Variants in BNC2 observed in about 807,000 individuals in gnomAD.
The protein encoded by BNC2 is basonuclin zinc finger protein 2.
Under a neutral mutation model 76.3 loss-of-function variants are expected in BNC2, and 20 were observed. That is an observed-to-expected ratio of 0.26 (90% CI 0.18 to 0.38). The LOEUF is 0.38. Ranked by LOEUF, BNC2 falls within the 10% of genes least tolerant of loss-of-function variation. The probability of loss-of-function intolerance (pLI) is 1.00; values close to 1 mark genes in which losing one functional copy is unlikely to be tolerated. For synonymous variants in BNC2, 582 were observed against 514.8 expected (o/e 1.13, Z -1.77); for missense variants, 1,382 against 1,399.8 (o/e 0.99, Z 0.20).
At chr9:16,510,628 G>A (rs1209704244) in intron 5 of BNC2, among the ~76,000 whole-genome samples, 1 of 152,182 alleles carries the variant, frequency 6.6e-6, no homozygotes, top group African/African-American at 2.4e-5. Flanking sequence ...GAAATCAACA[G>A]ATAAGCCTTT....
chr9:16,429,183 C>T (rs762378133), intron 6 of BNC2: 1 of 152,166 alleles, frequency 6.6e-6, no homozygotes, highest in African/African-American at 2.4e-5. Context: ...CATGGCTAAA[C>T]CTTCACTATG....
chr9:16,839,009 C>T (rs1281556783), intron 1 of BNC2, among the ~76,000 whole-genome samples: 1 of 152,226 alleles, frequency 6.6e-6, no homozygotes, highest in South Asian at 2.1e-4. Flanking sequence ...ACTAATTTCA[C>T]TAGTCAGTAG....
rs59888253 is a variant in BNC2, at chr9:16,732,162, A to AAAAAAAAAAAAGG, written c.130-4166_130-4165insCCTTTTTTTTTTT. Reference sequence around the variant, plus strand: ...GTTTTTCCCTCCATTTCCTGCAAAAAAAAAAGAAAAAGAAACAAAAAAGAA... The same window carrying AAAAAAAAAAAAGG: ...GTTTTTCCCTCCATTTCCTGCAAAAAAAAAAAAAAAAGGAAAAAGAAAAAGAAACAAAAAAGAA... On this transcript the variant is annotated intron_variant, in intron 2 of 6. Coordinates refer to ENST00000380672, the MANE Select transcript of BNC2 (RefSeq NM_017637.6). 8.3e-4 allele frequency among the ~76,000 whole-genome samples: 102 copies of AAAAAAAAAAAAGG among 123,592 alleles called. 2 individuals are homozygous for AAAAAAAAAAAAGG. The East Asian group carries it at 0.021, about 26-fold the overall frequency. The allele number at this position is 123,592 out of a possible 152,430, so 81.1% of individuals were successfully genotyped here.
At chr9:16,504,193 T>C (rs1822578532) in intron 5 of BNC2, among the ~76,000 whole-genome samples, 2 of 151,706 alleles carry the variant, frequency 1.3e-5, no homozygotes, top group South Asian at 2.1e-4. Context: ...AAAATGCTTA[T>C]AAAGATAAGT....
At chr9:16,594,159 A>G (rs1451279914) in intron 3 of BNC2, among the ~76,000 whole-genome samples, 1 of 152,178 alleles carries the variant, frequency 6.6e-6, no homozygotes, top group Non-Finnish European at 1.5e-5. Context: ...ACTATTCCTC[A>G]TTAAGCAAGA....
chr9:16,672,596 T>C (rs1012145469), intron 3 of BNC2, among the ~76,000 whole-genome samples: 4 of 152,216 alleles, frequency 2.6e-5, no homozygotes, highest in African/African-American at 9.6e-5. Context: ...TTTTATCGTA[T>C]CACACTCATA....
chr9:16,736,650 A>G (rs1166603351), intron 2 of BNC2, among the ~76,000 whole-genome samples: 2 of 150,644 alleles, frequency 1.3e-5, no homozygotes, highest in Non-Finnish European at 3.0e-5. Flanking sequence ...TAATTTTTTT[A>G]TTTTTAGTAG....
chr9:16,579,919 A>C (rs529633137), intron 4 of BNC2: 24 of 394,348 alleles, frequency 6.1e-5, no homozygotes, highest in Non-Finnish European at 1.1e-4. Flanking sequence ...TTTTTTATTG[A>C]CATAATGACA....
At chr9:16,638,101 C>G (rs1821381024) in intron 3 of BNC2, among the ~76,000 whole-genome samples, 1 of 152,162 alleles carries the variant, frequency 6.6e-6, no homozygotes, top group Non-Finnish European at 1.5e-5. Flanking sequence ...CTGGGAACTT[C>G]TTTGGTCTGG....
chr9:16,465,288 T>C (rs986704954), intron 5 of BNC2, among the ~76,000 whole-genome samples: 5 of 151,938 alleles, frequency 3.3e-5, no homozygotes, highest in Middle Eastern at 3.2e-3. Flanking sequence ...ATACAAAAAT[T>C]AGCCAGGTGT....
chr9:16,845,467 A>G (rs371316798), intron 1 of BNC2, among the ~76,000 whole-genome samples: 1 of 152,142 alleles, frequency 6.6e-6, no homozygotes, highest in Non-Finnish European at 1.5e-5. Context: ...CACACCTGTA[A>G]TCCCAGCAAT....
At chr9:16,848,669 A>G (rs1384133248) in intron 1 of BNC2, among the ~76,000 whole-genome samples, 2 of 152,228 alleles carry the variant, frequency 1.3e-5, no homozygotes, top group Non-Finnish European at 2.9e-5. Context: ...GTTATAAAAA[A>G]GACTTTGGGA....
At chr9:16,752,684 T>A (rs1202389621) in intron 1 of BNC2, among the ~76,000 whole-genome samples, 1 of 152,224 alleles carries the variant, frequency 6.6e-6, no homozygotes, top group African/African-American at 2.4e-5. Flanking sequence ...ATTCTCTCTC[T>A]AGAAACATAT....
rs55873179 is a variant in BNC2 at position 16,604,077 on chromosome 9, G to T, written c.331-20992C>A. ...AGTCTAAATTTTATTTGATCTGGATGTTGGCAAGATAGATGTTCAATTCTC... is the reference window on the plus strand; with the variant it reads ...AGTCTAAATTTTATTTGATCTGGATTTTGGCAAGATAGATGTTCAATTCTC... On this transcript the variant is annotated intron_variant, in intron 3 of 6. Coordinates refer to ENST00000380672, the MANE Select transcript of BNC2 (RefSeq NM_017637.6). 3.0e-3 allele frequency among the ~76,000 whole-genome samples: 458 copies of T among 152,242 alleles called. 1 individual carries two copies. The highest frequency in any genetic ancestry group is 5.2e-3 in the Non-Finnish European group (352 of 68,014).
chr9:16,530,198 T>C (rs571403123), intron 5 of BNC2, among the ~76,000 whole-genome samples: 1 of 152,004 alleles, frequency 6.6e-6, no homozygotes. Context: ...CTTTCTAAGG[T>C]TGACTATGCA....
chr9:16,471,261 T>C (rs180996126), intron 5 of BNC2, among the ~76,000 whole-genome samples: 45 of 152,210 alleles, frequency 3.0e-4, no homozygotes, highest in African/African-American at 1.0e-3. Context: ...TATACCTCCA[T>C]TGTATCTGGG....
rs368960699 is a variant in BNC2 at position 16,467,756 on chromosome 9, G to A, written c.670-30232C>T. Among the ~76,000 whole-genome samples, 61 of 141,126 alleles carry A rather than the reference G, an allele frequency of 4.3e-4. 1 individual carries two copies. The highest frequency in any genetic ancestry group is 6.7e-4 in the Non-Finnish European group (44 of 65,682). The allele number at this position is 141,126 out of a possible 152,430, so 92.6% of individuals were successfully genotyped here. A position where few individuals can be genotyped will look rare whatever the true frequency, so the allele number is the denominator to read the frequency against. On this transcript the variant is annotated intron_variant, in intron 5 of 6. Transcript: ENST00000380672. ...TAGATGACACGTTAGTGGGTGCAGCGCACCAGCATGGCACATGTATACATA... is the reference window on the plus strand; with the variant it reads ...TAGATGACACGTTAGTGGGTGCAGCACACCAGCATGGCACATGTATACATA...
In BNC2 at chr9:16,435,683, C is replaced by T. The variant is rs150849254; in HGVS notation, c.2511G>A (p.Val837=). 8.9e-5 allele frequency: 144 copies of T among 1,613,998 alleles called. No homozygotes were observed. The highest frequency in any genetic ancestry group is 1.2e-4 in the Non-Finnish European group (139 of 1,180,032). The part of the protein sequence containing the change: ...CSSPDPKICY[V]CKKSFKSSYS... ...AGGAGCTTTTGAAACTCTTCTTGCA[C>T]ACATAACAGATTTTGGGGTCTGGGC... Residue 837 remains valine, a synonymous_variant, in exon 6 of 7, where the codon GTG becomes GTA. Transcript: ENST00000380672.
At chr9:16,785,933 C>T (rs1246949387) in intron 1 of BNC2, among the ~76,000 whole-genome samples, 1 of 152,070 alleles carries the variant, frequency 6.6e-6, no homozygotes, top group East Asian at 1.9e-4. Flanking sequence ...TGGGCCTGTG[C>T]ACCTATTTAG....
Sources: allele counts gnomAD v4.1 joint callset (sites outside exome capture counted in the v4.1 genomes callset), GRCh38; gene constraint gnomAD v4.1.1; transcripts MANE v1.5; gene names NCBI Gene and HGNC (gene_info 2026-07-23, HGNC 2026-07-21).